FAT3: variants seen among roughly 807,000 people sequenced by gnomAD.
FAT3 encodes FAT atypical cadherin 3, also known as protocadherin Fat 3.
Under a neutral mutation model 310.2 loss-of-function variants are expected in FAT3, and 95 were observed. The ratio of observed to expected loss-of-function variants is 0.31; its 90% CI spans 0.26 to 0.36. The LOEUF is 0.36. FAT3 is among the 10% of genes least tolerant of loss of function. FAT3 has a pLI of 1.00. For missense variants in FAT3, 5,408 were observed against 5,715.6 expected, an observed-to-expected ratio of 0.95 and a Z score of 1.74; for synonymous variants, 2,314 against 2,192.9, an observed-to-expected ratio of 1.06 and a Z score of -1.54.
intron 2 of FAT3, chr11:92,366,352 A>G (rs1949021865): frequency 4.2e-6 from 1 of 239,824 alleles, no homozygotes; most frequent in Admixed American, 4.8e-5. Flanking sequence ...TAAAATGAAA[A>G]TGGGAGCCAC....
Position 92,634,438 on chromosome 11 carries a change from A to G in FAT3, c.3608-62946A>G, listed in dbSNP as rs1360005063. Among the ~76,000 whole-genome samples, 6 of 152,336 alleles carry G rather than the reference A, an allele frequency of 3.9e-5. No individual in the cohort carries two copies. In the East Asian group the frequency reaches 1.2e-3, roughly 29 times the overall value. On this transcript the variant is annotated intron_variant, in intron 3 of 27. Transcript: ENST00000525166. ...AGCCAGACAGGATTTTGTTCATAGT[A>G]TCTCCTCCTATACTGAAGATTGTTA... is the stretch of plus-strand genomic sequence containing the variant.
At chr11:92,532,876 G>T (rs547369884) in intron 3 of FAT3, among the ~76,000 whole-genome samples, 15 of 152,202 alleles carry the variant, frequency 9.9e-5, no homozygotes, top group African/African-American at 3.1e-4. Flanking sequence ...GAAAAGGGGG[G>T]AAGAAAAATC....
chr11:92,420,902 T>G (rs1357208041), intron 2 of FAT3, among the ~76,000 whole-genome samples: 1 of 152,210 alleles, frequency 6.6e-6, no homozygotes, highest in Admixed American at 6.5e-5. Flanking sequence ...GTAATAGGTT[T>G]ATTATGCTCA....
intron 6 of FAT3, among the ~76,000 whole-genome samples, chr11:92,770,157 C>T (rs1295566922): frequency 1.3e-5 from 2 of 152,162 alleles, no homozygotes; most frequent in Non-Finnish European, 2.9e-5. Flanking sequence ...CTATTCTGCC[C>T]CTTTTCCCTA....
intron 2 of FAT3, among the ~76,000 whole-genome samples, chr11:92,493,161 C>G (rs879358572): frequency 3.3e-5 from 5 of 152,200 alleles, no homozygotes; most frequent in Middle Eastern, 3.4e-3. Context: ...CCTGCCTGCA[C>G]CATTCTCCAG....
chr11:92,318,179 C>T (rs181696770), intron 1 of FAT3, among the ~76,000 whole-genome samples: 1 of 152,250 alleles, frequency 6.6e-6, no homozygotes, highest in African/African-American at 2.4e-5. Context: ...GGTGATGTAG[C>T]AGCCTTGATA....
chr11:92,551,137 A>G (rs1196650027), intron 3 of FAT3, among the ~76,000 whole-genome samples: 1 of 151,994 alleles, frequency 6.6e-6, no homozygotes, highest in Non-Finnish European at 1.5e-5. Context: ...TGAGCTCCAA[A>G]GGTTAGTTAG....
In FAT3 at chr11:92,499,723, A is replaced by ATGTGTGTGTG. The variant is rs61267708; in HGVS notation, c.3293-24888_3293-24879dup. ...ATCTTGTGTGTGTGTATGTGTGTGT[A>ATGTGTGTGTG]TGTGTGTGTGTGTGTGTGTGTGTGT... On this transcript the variant is annotated intron_variant, in intron 2 of 27. Coordinates refer to ENST00000525166, the MANE Select transcript of FAT3 (RefSeq NM_001367949.2). Among the ~76,000 whole-genome samples, 245 of 127,822 alleles carry ATGTGTGTGTG rather than the reference A, an allele frequency of 1.9e-3. 3 individuals are homozygous for ATGTGTGTGTG. The highest frequency in any genetic ancestry group is 5.7e-3 in the African/African-American group (219 of 38,144). 83.9% of individuals were successfully genotyped at this position (127,822 alleles called of 152,430 possible).
intron 3 of FAT3, among the ~76,000 whole-genome samples, chr11:92,649,732 C>A (rs1942298070): frequency 1.3e-5 from 2 of 151,984 alleles, no homozygotes; most frequent in African/African-American, 4.8e-5. Flanking sequence ...CCAGATGGGT[C>A]TGCCTTAGGT....
intron 1 of FAT3, among the ~76,000 whole-genome samples, chr11:92,235,476 T>C (rs1468106686): frequency 6.6e-6 from 1 of 152,226 alleles, no homozygotes; most frequent in African/African-American, 2.4e-5. Flanking sequence ...CCATAGGCCA[T>C]CATTCCCTGG....
rs964766384 is a variant in FAT3 at position 92,538,335 on chromosome 11, A to G, written c.3607+13387A>G. ...ATGGAATCCTCTCAGTTGGAAGCCC[A>G]TTTCATTCACATACTACCCATAAGG... On this transcript the variant is annotated intron_variant, in intron 3 of 27. Coordinates refer to ENST00000525166, the MANE Select transcript of FAT3 (RefSeq NM_001367949.2). 2.3e-4 allele frequency among the ~76,000 whole-genome samples: 35 copies of G among 152,232 alleles called. No homozygotes were observed. In the South Asian group the frequency reaches 3.1e-3, roughly 14 times the overall value.
chr11:92,483,103 A>C (rs1281897038), intron 2 of FAT3, among the ~76,000 whole-genome samples: 1 of 152,160 alleles, frequency 6.6e-6, no homozygotes, highest in Non-Finnish European at 1.5e-5. Flanking sequence ...TGGCATTGTC[A>C]TTTGGTAAAA....
chr11:92,507,768 C>T (rs1953163635), intron 2 of FAT3, among the ~76,000 whole-genome samples: 1 of 151,796 alleles, frequency 6.6e-6, no homozygotes, highest in South Asian at 2.1e-4. Flanking sequence ...TATATACACA[C>T]ATATACACAC....
chr11:92,482,536 C>A (rs1308341588), intron 2 of FAT3, among the ~76,000 whole-genome samples: 2 of 152,218 alleles, frequency 1.3e-5, no homozygotes, highest in Non-Finnish European at 2.9e-5. Flanking sequence ...CAGACTCCAA[C>A]ACAGGTCGTT....
intron 2 of FAT3, 72 bp downstream of exon 2, chr11:92,355,476 G>A (rs1251518547): frequency 1.4e-6 from 2 of 1,430,422 alleles, no homozygotes; most frequent in Non-Finnish European, 9.5e-7. Context: ...AAAGTAAAGG[G>A]ATGTTAGGAC....
intron 1 of FAT3, among the ~76,000 whole-genome samples, chr11:92,303,661 T>A (rs1947053585): frequency 1.3e-5 from 2 of 152,166 alleles, no homozygotes; most frequent in Non-Finnish European, 2.9e-5. Flanking sequence ...TGTATTGTTG[T>A]AGCTTAAAGT....
At chr11:92,854,678 C>A (rs1200743922) in intron 19 of FAT3, among the ~76,000 whole-genome samples, 1 of 152,154 alleles carries the variant, frequency 6.6e-6, no homozygotes, top group Non-Finnish European at 1.5e-5. Context: ...TACCATTATT[C>A]CTATAGGGAT....
chr11:92,613,434 G>T (rs1940661614), intron 3 of FAT3, among the ~76,000 whole-genome samples: 5 of 152,028 alleles, frequency 3.3e-5, no homozygotes, highest in Admixed American at 2.6e-4. Flanking sequence ...AACACAATTA[G>T]CCTCTAAACC....
chr11:92,794,006 A>G (rs1947101971), intron 9 of FAT3, among the ~76,000 whole-genome samples: 2 of 152,152 alleles, frequency 1.3e-5, no homozygotes, highest in Admixed American at 1.3e-4. Context: ...CACATTTTAC[A>G]TGGGTCTGTG....
Sources: gnomAD v4.1 joint callset for allele counts (sites outside exome capture counted in the v4.1 genomes callset) on GRCh38, gnomAD v4.1.1 for gene constraint, MANE v1.5 for transcripts, NCBI Gene and HGNC (gene_info 2026-07-23, HGNC 2026-07-21) for gene names.